Variants in KIAA1217 observed in about 807,000 individuals in gnomAD.
KIAA1217 encodes sickle tail protein homolog.
In KIAA1217, 88 loss-of-function variants were observed where a neutral mutation model predicts 163.9. The ratio of observed to expected loss-of-function variants is 0.54; its 90% confidence interval spans 0.45 to 0.64. KIAA1217 has a LOEUF of 0.64. KIAA1217 is among the 30% of genes least tolerant of loss of function. KIAA1217 has a pLI of 0.00. For synonymous variants in KIAA1217, 903 were observed against 923.1 expected, an observed-to-expected ratio of 0.98 and a Z score of 0.39; for missense variants, 2,372 against 2,475.0, an observed-to-expected ratio of 0.96 and a Z score of 0.88.
At chr10:24,138,425 G>A (rs1162245859) in intron 2 of KIAA1217, among the ~76,000 whole-genome samples, 1 of 152,176 alleles carries the variant, frequency 6.6e-6, no homozygotes, top group Non-Finnish European at 1.5e-5. Context: ...TGTGATTACA[G>A]GCATGAGCCA....
At chr10:23,873,263 T>C (rs571784062) in intron 1 of KIAA1217, among the ~76,000 whole-genome samples, 7 of 152,176 alleles carry the variant, frequency 4.6e-5, no homozygotes, top group Admixed American at 6.5e-5. Flanking sequence ...TCCCATGTTC[T>C]CAAGAACAAA....
chr10:24,520,380 G>T, intron 11 of KIAA1217, 127 bp downstream of exon 11: 2 of 1,320,534 alleles, frequency 1.5e-6, no homozygotes, highest in Non-Finnish European at 2.1e-6. Flanking sequence ...GCCAGGCATT[G>T]TTCTGGACAC....
chr10:23,961,616 A>AT lies in KIAA1217; in HGVS notation c.-320-45608dup, dbSNP rs1261579549. Among the ~76,000 whole-genome samples the AT allele has an allele frequency of 2.0e-5, 3 of 152,298 alleles. No individual in the cohort carries two copies. The East Asian group carries it at 5.8e-4, about 29-fold the overall frequency. Reference sequence around the variant, plus strand: ...AAAATAACCCTTCAGCTTTTTTGTAATGTGATAAATCAAACAGATCCAATT... The same window carrying AT: ...AAAATAACCCTTCAGCTTTTTTGTAATTGTGATAAATCAAACAGATCCAATT... On this transcript the variant is annotated intron_variant, in intron 1 of 18. Transcript: ENST00000376462.
intron 6 of KIAA1217, among the ~76,000 whole-genome samples, chr10:24,486,928 T>A (rs922530418): frequency 2.0e-5 from 3 of 152,314 alleles, no homozygotes; most frequent in African/African-American, 4.8e-5. Flanking sequence ...CCTGGAGCAT[T>A]CCCTAGTATG....
chr10:24,045,480 C>T (rs1048421313), intron 2 of KIAA1217, among the ~76,000 whole-genome samples: 3 of 151,976 alleles, frequency 2.0e-5, no homozygotes, highest in Admixed American at 2.0e-4. Flanking sequence ...TAGGAGTTGG[C>T]TCTTGAATCT....
intron 2 of KIAA1217, among the ~76,000 whole-genome samples, chr10:24,362,466 A>G (rs1369200719): frequency 3.3e-5 from 5 of 152,254 alleles, no homozygotes; most frequent in Non-Finnish European, 5.9e-5. Context: ...ATTTAGAAAC[A>G]TAAGTAACAA....
chr10:24,000,257 C>G (rs563247072), intron 1 of KIAA1217, among the ~76,000 whole-genome samples: 2 of 152,178 alleles, frequency 1.3e-5, no homozygotes, highest in African/African-American at 4.8e-5. Context: ...ATAATCCCCA[C>G]GTGTCGTAGG....
intron 1 of KIAA1217, among the ~76,000 whole-genome samples, chr10:23,980,143 TG>T (rs1276998360): frequency 6.6e-6 from 1 of 152,200 alleles, no homozygotes; most frequent in Non-Finnish European, 1.5e-5. Context: ...CTGTTTGTTT[TG>T]GTCTGTCCCT....
At chr10:23,698,216 G>T (rs1836176197) in intron 1 of KIAA1217, among the ~76,000 whole-genome samples, 1 of 152,172 alleles carries the variant, frequency 6.6e-6, no homozygotes, top group African/African-American at 2.4e-5. Flanking sequence ...GAAGCAATTT[G>T]TAATTTGTGA....
At chr10:24,092,692 G>GA (rs141175604) in intron 2 of KIAA1217, among the ~76,000 whole-genome samples, 2,541 of 148,620 alleles carry the variant, frequency 0.017, 121 homozygotes, top group African/African-American at 0.059. Context: ...ATAACGTTAT[G>GA]AAAAAAAAAC....
chr10:24,203,410 A>C (rs2067371736), intron 2 of KIAA1217, among the ~76,000 whole-genome samples: 1 of 152,186 alleles, frequency 6.6e-6, no homozygotes, highest in African/African-American at 2.4e-5. Flanking sequence ...GGGAGAGATG[A>C]GAGCCACACG....
chr10:24,318,011 T>G (rs1340792306), intron 2 of KIAA1217, among the ~76,000 whole-genome samples: 1 of 151,824 alleles, frequency 6.6e-6, no homozygotes, highest in Non-Finnish European at 1.5e-5. Context: ...GATTAACATT[T>G]AAATAGGTAA....
chr10:24,438,566 TACA>T (rs1439746762), intron 5 of KIAA1217, 87 bp downstream of exon 5: 18 of 870,984 alleles, frequency 2.1e-5, no homozygotes, highest in Non-Finnish European at 2.9e-5. Context: ...ATCAGAACTC[TACA>T]ACTGAGTTTT....
At chr10:24,536,157 G>A in intron 16 of KIAA1217, among the ~76,000 whole-genome samples, 1 of 152,142 alleles carries the variant, frequency 6.6e-6, no homozygotes, top group East Asian at 1.9e-4. Context: ...GCCAACAGTT[G>A]GCTCTTATAG....
intron 2 of KIAA1217, among the ~76,000 whole-genome samples, chr10:24,132,362 G>T (rs1227970397): frequency 1.3e-5 from 2 of 152,200 alleles, no homozygotes; most frequent in African/African-American, 4.8e-5. Flanking sequence ...TGAAAAAATA[G>T]CCCTGTGGTT....
chr10:24,398,566 G>A (rs1456600663), intron 3 of KIAA1217, among the ~76,000 whole-genome samples: 1 of 152,134 alleles, frequency 6.6e-6, no homozygotes, highest in Non-Finnish European at 1.5e-5. Flanking sequence ...GAACAGGAAA[G>A]AAAGGAAAGT....
chr10:23,695,287 T>A lies in KIAA1217; in HGVS notation c.-321+53T>A, dbSNP rs1021101842. 6.6e-6 allele frequency: 1 copy of A among 151,892 alleles called. No individual in the cohort carries two copies. Among genetic ancestry groups the A allele is most frequent in the Admixed American group, 6.6e-5 (1 of 15,256 alleles). The allele number at this position is 151,892 out of a possible 1,614,324, so 9.4% of individuals were successfully genotyped here. ...TGCCCCGCCGCTCCCCCAGCGCGAG[T>A]GGGAGGCACATCTCCCCTCCTTGGA... On this transcript the variant is annotated intron_variant, in intron 1 of 18. Coordinates refer to the KIAA1217 transcript ENST00000376462. This position sits in a 1 kb window ranked among gnomAD's most constrained non-coding sequence, Gnocchi z 4.9.
intron 1 of KIAA1217, among the ~76,000 whole-genome samples, chr10:23,932,383 AT>A (rs1339928755): frequency 3.3e-5 from 5 of 151,992 alleles, no homozygotes; most frequent in South Asian, 2.1e-4. Context: ...GCCCAGCAAA[AT>A]GTACAAATTG....
chr10:24,145,927 G>C (rs1424536673), intron 2 of KIAA1217, among the ~76,000 whole-genome samples: 1 of 152,160 alleles, frequency 6.6e-6, no homozygotes, highest in African/African-American at 2.4e-5. Flanking sequence ...GATTGAGGGT[G>C]GTTCTGCCTC....
Sources: gnomAD v4.1 joint callset for allele counts (sites outside exome capture counted in the v4.1 genomes callset) on GRCh38, gnomAD v4.1.1 for gene constraint, Gnocchi (gnomAD v3.1) non-coding constraint, MANE v1.5 for transcripts, NCBI Gene and HGNC (gene_info 2026-07-23, HGNC 2026-07-21) for gene names.